RBM3: variants seen among roughly 807,000 people sequenced by gnomAD.
RBM3 encodes the protein RNA-binding protein 3.
A neutral mutation model predicts 12.0 loss-of-function variants in RBM3; 3 were observed. That is an observed-to-expected ratio of 0.25 (90% CI 0.11 to 0.65). The LOEUF is 0.65. Among genes scored for constraint, RBM3 ranks in the 30% least tolerant of loss-of-function variants. The pLI is 0.84. For missense variants in RBM3, 108 were observed against 134.5 expected (o/e 0.80, Z 0.97); for synonymous variants, 58 against 45.7 (o/e 1.27, Z -1.08).
Position 48,580,140 on chromosome X carries a change from C to G in RBM3, c.*2699C>G, listed in dbSNP as rs1203840632. On this transcript the variant is annotated 3_prime_UTR_variant, in exon 7 of 7. Coordinates refer to ENST00000376759, the MANE Select transcript of RBM3 (RefSeq NM_006743.5). ...ATGGCCTGTAACTACTTTTCACTTT[C>G]AAGCCCTGGAACTTGTCTGTACCAA... The G allele has an allele frequency of 9.0e-6, 1 of 111,681 alleles. No homozygotes were observed. Among genetic ancestry groups the G allele is most frequent in the African/African-American group, 3.3e-5 (1 of 30,744 alleles). The allele number at this position is 111,681 out of a possible 1,213,427, so 9.2% of individuals were successfully genotyped here.
At chrX:48,575,329 G>A (rs945464189) in intron 2 of RBM3, 46 bp downstream of exon 2, 1 of 1,092,365 alleles carries the variant, frequency 9.2e-7, no homozygotes, top group Admixed American at 2.4e-5. Flanking sequence ...GAGAAAGTCT[G>A]GGATCCTTGC....
In RBM3 at chrX:48,581,075, G is replaced by C. The variant is rs912889102; in HGVS notation, c.*3634G>C. The C allele has an allele frequency of 9.6e-6, 1 of 103,867 alleles. No individual in the cohort carries two copies. The highest frequency in any genetic ancestry group is 3.7e-5 in the African/African-American group (1 of 27,153). 8.6% of individuals were successfully genotyped at this position (103,867 alleles called of 1,213,427 possible). A position where few individuals can be genotyped will look rare whatever the true frequency, so the allele number is the denominator to read the frequency against. On this transcript the variant is annotated 3_prime_UTR_variant, in exon 7 of 7. Coordinates refer to ENST00000376759, the MANE Select transcript of RBM3 (RefSeq NM_006743.5). The stretch of plus-strand genomic sequence containing the variant: ...GGAAGTGCCCTGGATCTGGGGGCGG[G>C]GGGGGGCGGGGGGAATGGGTCTTTT...
At chrX:48,575,387 C>T (rs997287919) in intron 2 of RBM3, 104 bp downstream of exon 2, 3 of 864,214 alleles carry the variant, frequency 3.5e-6, no homozygotes, top group Admixed American at 5.5e-5. Context: ...CCTCCAAATT[C>T]TTTTTCTTCC....
chrX:48,575,444 T>C, intron 2 of RBM3, 117 bp from the exon 3 acceptor site: 1 of 783,871 alleles, frequency 1.3e-6, no homozygotes, highest in South Asian at 2.5e-5. Flanking sequence ...TCTTTGGGAT[T>C]AGTGGGAGCG....
In RBM3 at chrX:48,575,241, G is replaced by A; in HGVS notation, c.61G>A (p.Ala21Thr). The A allele has an allele frequency of 8.3e-7, 1 of 1,210,302 alleles. No homozygotes were observed. The change falls in exon 2 of 7, where the codon GCA (alanine) becomes ACA (threonine). Residue 21 changes from alanine to threonine, a missense_variant. Physicochemically the swap from Ala to Thr is moderately conservative, Grantham distance 58. Coordinates refer to ENST00000376759, the MANE Select transcript of RBM3 (RefSeq NM_006743.5). The part of the protein sequence containing the change: ...GGLNFNTDEQ[A>T]LEDHFSSFGP... Reference sequence around the variant, plus strand: ...GCTCAACTTTAACACCGACGAGCAGGCACTGGAAGACCACTTCAGCAGTTT... The same window carrying A: ...GCTCAACTTTAACACCGACGAGCAGACACTGGAAGACCACTTCAGCAGTTT...
At chrX:48,575,338 G>A in intron 2 of RBM3, 55 bp downstream of exon 2, 1 of 1,054,410 alleles carries the variant, frequency 9.5e-7, no homozygotes, top group Non-Finnish European at 1.3e-6. Context: ...TGGGATCCTT[G>A]CATTTCAAGG....
intron 3 of RBM3, 145 bp downstream of exon 3, chrX:48,575,812 T>A: frequency 1.6e-6 from 1 of 631,549 alleles, no homozygotes; most frequent in Non-Finnish European, 2.4e-6. Context: ...CCTTTTGTTC[T>A]AGGGGGTGGA....
chrX:48,575,135 T>A, intron 1 of RBM3, 33 bp from the exon 2 acceptor site: 1 of 1,039,941 alleles, frequency 9.6e-7, no homozygotes. Flanking sequence ...TTCTTTCTCC[T>A]TCCTGCCACC....
At chrX:48,574,837 C>T (rs2062072664) in intron 1 of RBM3, 1 of 354,861 alleles carries the variant, frequency 2.8e-6, no homozygotes, top group Non-Finnish European at 5.4e-6. Flanking sequence ...ACTTACTTTC[C>T]TTATCCCACG....
rs1216407486 is a variant in RBM3, at chrX:48,580,544, C to T, written c.*3103C>T. ...CCCAAGTAGCTGGGATTACAGGTGC[C>T]TGCCACCACGCCCGGCTAATTTTTG... On this transcript the variant is annotated 3_prime_UTR_variant, in exon 7 of 7. Coordinates refer to ENST00000376759, the MANE Select transcript of RBM3 (RefSeq NM_006743.5). Among the ~76,000 whole-genome samples, 3 of 111,068 alleles carry T rather than the reference C, an allele frequency of 2.7e-5. No homozygotes were observed.
At chrX:48,575,757 C>CGGGGCTTG in intron 3 of RBM3, 90 bp downstream of exon 3, 1 of 880,516 alleles carries the variant, frequency 1.1e-6, no homozygotes, top group Non-Finnish European at 1.6e-6. Flanking sequence ...CTCGGGGCAG[C>CGGGGCTTG]GTGGCCACCA....
At position 48,580,863 on chromosome X, in the gene RBM3, T is replaced by C. The variant is rs1350507815; in HGVS notation, c.*3422T>C. Reference sequence around the variant, plus strand: ...CTTCAGGTATATAAAAAAACATTGGTTGACAATAAGCCAGTGTTCTGCCAT... The same window carrying C: ...CTTCAGGTATATAAAAAAACATTGGCTGACAATAAGCCAGTGTTCTGCCAT... On this transcript the variant is annotated 3_prime_UTR_variant, in exon 7 of 7. Transcript: ENST00000376759. The C allele has an allele frequency of 2.7e-5, 3 of 111,517 alleles. No individual in the cohort carries two copies. The highest frequency in any genetic ancestry group is 9.8e-5 in the African/African-American group (3 of 30,608). The allele number at this position is 111,517 out of a possible 1,213,427, so 9.2% of individuals were successfully genotyped here. A position where few individuals can be genotyped will look rare whatever the true frequency, so the allele number is the denominator to read the frequency against.
intron 3 of RBM3, 192 bp downstream of exon 3, chrX:48,575,859 G>A (rs2062077877): frequency 1.9e-6 from 1 of 526,759 alleles, no homozygotes; most frequent in East Asian, 3.6e-5. Flanking sequence ...CCTGGGAGGC[G>A]ACGACTGGTC....
At chrX:48,576,981 T>TAA in intron 5 of RBM3, 45 bp from the exon 6 acceptor site, 1 of 1,187,553 alleles carries the variant, frequency 8.4e-7, no homozygotes. Flanking sequence ...GTGGTATATA[T>TAA]AATGCAGTAC....
chrX:48,575,237 G>A lies in RBM3; in HGVS notation c.57G>A (p.Glu19=). Residue 19 remains glutamate (E), a synonymous_variant, in exon 2 of 7, where the codon GAG becomes GAA. Transcript: ENST00000376759. ...FVGGLNFNTD[E]QALEDHFSSF... Reference sequence around the variant, plus strand: ...GAGGGCTCAACTTTAACACCGACGAGCAGGCACTGGAAGACCACTTCAGCA... The same window carrying A: ...GAGGGCTCAACTTTAACACCGACGAACAGGCACTGGAAGACCACTTCAGCA... 1 of 1,210,549 alleles carries A rather than the reference G, an allele frequency of 8.3e-7. No homozygotes were observed. Among genetic ancestry groups the A allele is most frequent in the Non-Finnish European group, 1.1e-6 (1 of 895,026 alleles).
At chrX:48,574,876 T>C (rs1279456369) in intron 1 of RBM3, 1 of 390,453 alleles carries the variant, frequency 2.6e-6, no homozygotes. Context: ...TCTGCCGGCG[T>C]TAAGGGAACG....
At chrX:48,577,130 T>C (rs1340379209) in intron 6 of RBM3, 21 bp downstream of exon 6, 5 of 1,208,324 alleles carry the variant, frequency 4.1e-6, no homozygotes, top group Non-Finnish European at 4.5e-6. Flanking sequence ...GATATCGGCA[T>C]TGAGTGAACC....
Position 48,579,617 on chromosome X carries a change from G to A in RBM3, c.*2176G>A, listed in dbSNP as rs1381922944. 1.8e-5 allele frequency among the ~76,000 whole-genome samples: 2 copies of A among 111,656 alleles called. No individual in the cohort carries two copies. The highest frequency in any genetic ancestry group is 6.5e-5 in the African/African-American group (2 of 30,720). ...GGCAGTGAGAATTGGCAGGAGGACTGCTGTGAATGCCTTGTAGGTCGGGGG... is the reference window on the plus strand; with the variant it reads ...GGCAGTGAGAATTGGCAGGAGGACTACTGTGAATGCCTTGTAGGTCGGGGG... On this transcript the variant is annotated 3_prime_UTR_variant, in exon 7 of 7. Coordinates refer to ENST00000376759, the MANE Select transcript of RBM3 (RefSeq NM_006743.5).
In RBM3 at chrX:48,580,643, C is replaced by T. The variant is rs1235022825; in HGVS notation, c.*3202C>T. The stretch of plus-strand genomic sequence containing the variant: ...TCCTGACCTCAAGTGATCCACCCGC[C>T]TCGGCCTCCCAAAGTGCTGGGATTA... On this transcript the variant is annotated 3_prime_UTR_variant, in exon 7 of 7. Coordinates refer to ENST00000376759, the MANE Select transcript of RBM3 (RefSeq NM_006743.5). 1.8e-5 allele frequency: 2 copies of T among 112,069 alleles called. No homozygotes were observed. Among genetic ancestry groups the T allele is most frequent in the African/African-American group, 6.5e-5 (2 of 30,748 alleles). The allele number at this position is 112,069 out of a possible 1,213,427, so 9.2% of individuals were successfully genotyped here.
Sources: allele counts gnomAD v4.1 joint callset (sites outside exome capture counted in the v4.1 genomes callset), GRCh38; gene constraint gnomAD v4.1.1; transcripts MANE v1.5; gene names NCBI Gene and HGNC (gene_info 2026-07-23, HGNC 2026-07-21).